Variants in CDH9 observed in about 807,000 individuals in gnomAD.
CDH9 encodes the protein cadherin-9.
In CDH9, 28 loss-of-function variants were observed where a neutral mutation model predicts 70.9. That is an observed-to-expected ratio of 0.40 (90% CI 0.29 to 0.54). The LOEUF is 0.54. Ranked by LOEUF, CDH9 falls within the 20% of genes least tolerant of loss-of-function variation. The pLI, the probability that CDH9 is intolerant of heterozygous loss-of-function variation, is 0.59. For synonymous variants in CDH9, 409 were observed against 343.1 expected, an observed-to-expected ratio of 1.19 and a Z score of -2.12; for missense variants, 874 against 984.4, an observed-to-expected ratio of 0.89 and a Z score of 1.50.
At chr5:26,935,823 C>T (rs751074520) in intron 2 of CDH9, among the ~76,000 whole-genome samples, 3 of 152,092 alleles carry the variant, frequency 2.0e-5, no homozygotes, top group African/African-American at 4.8e-5. Context: ...ATAGCAGCAC[C>T]ATTTGCAATT....
At chr5:27,032,119 C>T (rs1464260036) in intron 1 of CDH9, among the ~76,000 whole-genome samples, 1 of 151,776 alleles carries the variant, frequency 6.6e-6, no homozygotes, top group East Asian at 2.0e-4. Context: ...TAAATATGAA[C>T]AGACTATTGA....
At chr5:27,015,014 G>A (rs1312437858) in intron 1 of CDH9, among the ~76,000 whole-genome samples, 1 of 151,902 alleles carries the variant, frequency 6.6e-6, no homozygotes, top group Non-Finnish European at 1.5e-5. Context: ...AGAAGACTGC[G>A]ATGCAAGGAT....
At chr5:26,900,968 T>G (rs755999991) in intron 7 of CDH9, among the ~76,000 whole-genome samples, 18 of 151,998 alleles carry the variant, frequency 1.2e-4, no homozygotes, top group Non-Finnish European at 2.4e-4. Flanking sequence ...TAATAAACCC[T>G]CATACAAAAG....
intron 2 of CDH9, among the ~76,000 whole-genome samples, chr5:26,965,574 TTAATAA>T (rs59563835): frequency 5.9e-4 from 87 of 146,738 alleles, no homozygotes; most frequent in South Asian, 4.8e-3. Flanking sequence ...AGACTCTGTC[TTAATAA>T]TAATAATAAT....
chr5:26,975,859 TCAAA>T lies in CDH9; in HGVS notation c.228+12243_228+12246del, dbSNP rs575122584. ...GTAGTAGAGACTGTATAGATAGAGC[TCAAA>T]CAGAGAGAAGCAATATTATTGTGCT... On this transcript the variant is annotated intron_variant, in intron 2 of 11. Coordinates refer to ENST00000231021, the MANE Select transcript of CDH9 (RefSeq NM_016279.4). 5.9e-4 allele frequency among the ~76,000 whole-genome samples: 90 copies of T among 152,252 alleles called. No individual in the cohort carries two copies. In the South Asian group the frequency reaches 0.018, roughly 30 times the overall value.
intron 3 of CDH9, among the ~76,000 whole-genome samples, chr5:26,908,054 C>G (rs1200945610): frequency 6.6e-6 from 1 of 152,088 alleles, no homozygotes. Context: ...TGAATGTTAA[C>G]ACATCAATTG....
Position 26,885,891 on chromosome 5 carries a change from C to CT in CDH9, c.1631-27_1631-26insA, listed in dbSNP as rs748620610. ...CTGGGGGAGAAAACATGTAAAAAAACAAAAACTTTCATATTTGTTTTTAAC... is the reference window on the plus strand; with the variant it reads ...CTGGGGGAGAAAACATGTAAAAAAACTAAAAACTTTCATATTTGTTTTTAAC... On this transcript the variant is annotated intron_variant, in intron 10 of 11. Coordinates refer to ENST00000231021, the MANE Select transcript of CDH9 (RefSeq NM_016279.4). 1.1e-3 allele frequency: 1,780 copies of CT among 1,605,926 alleles called. 9 individuals carry two copies. Among genetic ancestry groups the CT allele is most frequent in the South Asian group, 2.5e-3 (221 of 89,956 alleles).
chr5:26,924,197 G>C (rs1442084672), intron 2 of CDH9, among the ~76,000 whole-genome samples: 2 of 151,612 alleles, frequency 1.3e-5, no homozygotes, highest in Admixed American at 1.3e-4. Flanking sequence ...AAGTAAAATC[G>C]AAGATAAAAA....
intron 7 of CDH9, among the ~76,000 whole-genome samples, chr5:26,900,625 A>G (rs1343250922): frequency 6.6e-6 from 1 of 152,146 alleles, no homozygotes; most frequent in Non-Finnish European, 1.5e-5. Flanking sequence ...GTCCAGCAAT[A>G]ACATGTTTCA....
intron 2 of CDH9, among the ~76,000 whole-genome samples, chr5:26,959,119 T>C (rs1741992127): frequency 6.6e-6 from 1 of 152,160 alleles, no homozygotes; most frequent in East Asian, 1.9e-4. Flanking sequence ...TACAAGTGTT[T>C]AGGATTCATA....
chr5:26,934,017 G>A (rs1401968417), intron 2 of CDH9, among the ~76,000 whole-genome samples: 1 of 152,028 alleles, frequency 6.6e-6, no homozygotes. Context: ...TAAGAAGCAT[G>A]GTGCCAGCAT....
chr5:26,890,795 CACATG>C, intron 7 of CDH9: 1 of 407,256 alleles, frequency 2.5e-6, no homozygotes. Flanking sequence ...GTTATTTATA[CACATG>C]AATCTGGATG....
chr5:26,934,327 A>T (rs780411114), intron 2 of CDH9, among the ~76,000 whole-genome samples: 1 of 152,078 alleles, frequency 6.6e-6, no homozygotes, highest in Non-Finnish European at 1.5e-5. Context: ...TTAATCAGGC[A>T]TTGTGGTATG....
At chr5:26,953,670 A>G (rs1234783901) in intron 2 of CDH9, among the ~76,000 whole-genome samples, 1 of 152,164 alleles carries the variant, frequency 6.6e-6, no homozygotes, top group Non-Finnish European at 1.5e-5. Context: ...ACACATGCCT[A>G]TACCTTTTGT....
intron 2 of CDH9, among the ~76,000 whole-genome samples, chr5:26,932,073 T>C (rs1741472498): frequency 1.3e-5 from 2 of 152,306 alleles, no homozygotes; most frequent in Admixed American, 6.5e-5. Context: ...AAATTCTTCA[T>C]GATAACATCA....
intron 2 of CDH9, among the ~76,000 whole-genome samples, chr5:26,939,783 G>C (rs529694043): frequency 6.6e-6 from 1 of 152,062 alleles, no homozygotes; most frequent in South Asian, 2.1e-4. Context: ...ATACCATAGA[G>C]AATTGTTTAG....
chr5:26,910,535 C>T (rs1294870079), intron 3 of CDH9, among the ~76,000 whole-genome samples: 1 of 152,116 alleles, frequency 6.6e-6, no homozygotes. Context: ...GTATATCTAT[C>T]TATCATCTGT....
At chr5:26,987,504 T>C (rs10056396) in intron 2 of CDH9, among the ~76,000 whole-genome samples, 71,876 of 151,750 alleles carry the variant, frequency 0.47, 17,852 homozygotes, top group African/African-American at 0.52. Flanking sequence ...AGGCAATGAA[T>C]CTGCTTCCTC....
At position 26,903,736 on chromosome 5, in the gene CDH9, A is replaced by AT; in HGVS notation, c.899dup (p.Asn300LysfsTer7). On this transcript the variant is annotated frameshift_variant, in exon 6 of 12. Transcript: ENST00000231021. LOFTEE classifies it high-confidence loss of function. ...CAGCAATGCTATACTCCATTTCTGC[A>AT]TTTTCCCCCACGTCAGGGTCATTGG... The AT allele has an allele frequency of 1.2e-6, 2 of 1,607,604 alleles. No homozygotes were observed. The highest frequency in any genetic ancestry group is 8.5e-7 in the Non-Finnish European group (1 of 1,175,754).
Sources: gnomAD v4.1 joint callset for allele counts (sites outside exome capture counted in the v4.1 genomes callset) on GRCh38, gnomAD v4.1.1 for gene constraint, MANE v1.5 for transcripts, NCBI Gene and HGNC (gene_info 2026-07-23, HGNC 2026-07-21) for gene names.